The following MBTPS1 variants were observed in gnomAD, a reference collection of about 807,000 sequenced individuals.
MBTPS1 encodes the protein membrane-bound transcription factor site-1 protease.
MBTPS1 carries 94 observed loss-of-function variants against 127.8 expected under a neutral mutation model. That is an observed-to-expected ratio of 0.74 (90% confidence interval 0.62 to 0.87). The LOEUF is 0.87. MBTPS1 is among the 40% of genes least tolerant of loss of function. MBTPS1 has a pLI of 0.00. For synonymous variants in MBTPS1, 632 were observed against 509.4 expected (o/e 1.24, Z -3.24); for missense variants, 1,636 against 1,353.2 (o/e 1.21, Z -3.28).
At chr16:84,074,237 CTT>C (rs779174930) in intron 12 of MBTPS1, among the ~76,000 whole-genome samples, 5 of 144,404 alleles carry the variant, frequency 3.5e-5, no homozygotes, top group African/African-American at 5.0e-5. Flanking sequence ...GGGCTATTTC[CTT>C]TTTTTTTTTT....
intron 12 of MBTPS1, among the ~76,000 whole-genome samples, chr16:84,072,529 C>T (rs2085785487): frequency 6.6e-6 from 1 of 152,182 alleles, no homozygotes; most frequent in Non-Finnish European, 1.5e-5. Context: ...CGATGGCTCA[C>T]ACCTGTAATC....
intron 4 of MBTPS1, among the ~76,000 whole-genome samples, chr16:84,094,476 A>C (rs2086152560): frequency 6.6e-6 from 1 of 152,234 alleles, no homozygotes; most frequent in Non-Finnish European, 1.5e-5. Flanking sequence ...CCAATGTGAA[A>C]TACAACTGGC....
chr16:84,058,681 C>G (rs1720088242), intron 21 of MBTPS1, among the ~76,000 whole-genome samples: 1 of 152,210 alleles, frequency 6.6e-6, no homozygotes, highest in South Asian at 2.1e-4. Context: ...CAGAGGGAAA[C>G]AGCAGGTCCA....
Position 84,069,940 on chromosome 16 carries a change from C to G in MBTPS1, c.1881G>C (p.Gln627His). The G allele has an allele frequency of 6.2e-7, 1 of 1,614,066 alleles. No individual in the cohort carries two copies. The highest frequency in any genetic ancestry group is 2.2e-5 in the East Asian group (1 of 44,876). Reference protein sequence around the residue: ...PPRSKRVLWDQYHNLRYPPGY... With the variant: ...PPRSKRVLWDHYHNLRYPPGY... ...CAGGTGGATAGCGGAGGTTGTGGTA[C>G]TGATCCCAGAGAACTCTCTTGCTTC... is the stretch of plus-strand genomic sequence containing the variant. Residue 627 changes from glutamine to histidine, a missense_variant, in exon 14 of 23, where the codon CAG becomes CAC. Coordinates refer to ENST00000343411, the MANE Select transcript of MBTPS1 (RefSeq NM_003791.4).
intron 2 of MBTPS1, among the ~76,000 whole-genome samples, chr16:84,100,247 A>T (rs943737019): frequency 2.0e-5 from 3 of 152,218 alleles, no homozygotes; most frequent in Non-Finnish European, 4.4e-5. Context: ...CAAAAAATAA[A>T]AAAATTAGCT....
chr16:84,091,588 G>A, intron 7 of MBTPS1, 144 bp downstream of exon 7: 6 of 610,716 alleles, frequency 9.8e-6, no homozygotes, highest in Middle Eastern at 2.7e-4. Context: ...GCAAATCACT[G>A]AAGCTCACGT....
Position 84,060,994 on chromosome 16 carries a change from C to T in MBTPS1, c.2573-181G>A, listed in dbSNP as rs944119270. The T allele has an allele frequency of 2.4e-5, 12 of 494,940 alleles. No individual in the cohort carries two copies. The East Asian group carries it at 2.5e-4, about 10-fold the overall frequency. 30.7% of individuals were successfully genotyped at this position (494,940 alleles called of 1,614,324 possible). A position where few individuals can be genotyped will look rare whatever the true frequency, so the allele number is the denominator to read the frequency against. On this transcript the variant is annotated intron_variant, in intron 19 of 22. Transcript: ENST00000343411. ...GACTGAAGGCACATGACAGCATGCC[C>T]GGCTAATTTTTTATTTTTTGCAGAA...
At chr16:84,079,742 T>G (rs2085912366) in intron 11 of MBTPS1, among the ~76,000 whole-genome samples, 1 of 152,022 alleles carries the variant, frequency 6.6e-6, no homozygotes, top group African/African-American at 2.4e-5. Flanking sequence ...GAAACAAGGA[T>G]AGGGAAAGGC....
At chr16:84,098,367 T>C (rs2086207087) in intron 3 of MBTPS1, among the ~76,000 whole-genome samples, 1 of 152,176 alleles carries the variant, frequency 6.6e-6, no homozygotes, top group African/African-American at 2.4e-5. Context: ...TCCCAGCACT[T>C]TGGGAGGCTG....
intron 1 of MBTPS1, among the ~76,000 whole-genome samples, chr16:84,103,504 G>T (rs963868890): frequency 6.6e-6 from 1 of 151,976 alleles, no homozygotes; most frequent in African/African-American, 2.4e-5. Context: ...CAGCCACCTT[G>T]GCCTCCCAAA....
chr16:84,069,818 C>T, intron 14 of MBTPS1, 48 bp downstream of exon 14: 1 of 1,540,414 alleles, frequency 6.5e-7, no homozygotes, highest in Non-Finnish European at 8.9e-7. Context: ...GGTGCCTCCT[C>T]CCACCACGGA....
At chr16:84,115,634 G>A (rs914193732) in intron 1 of MBTPS1, among the ~76,000 whole-genome samples, 1 of 152,142 alleles carries the variant, frequency 6.6e-6, no homozygotes, top group African/African-American at 2.4e-5. Flanking sequence ...ACAAAAGGCC[G>A]CATATCATAT....
chr16:84,081,329 A>G (rs1243913569), intron 11 of MBTPS1, among the ~76,000 whole-genome samples: 1 of 152,234 alleles, frequency 6.6e-6, no homozygotes, highest in African/African-American at 2.4e-5. Context: ...CAGGTGAATT[A>G]CAGCACAGTG....
At chr16:84,084,849 C>T in intron 10 of MBTPS1, 134 bp downstream of exon 10, 1 of 811,858 alleles carries the variant, frequency 1.2e-6, no homozygotes, top group Non-Finnish European at 1.9e-6. Context: ...GAAGGAGAGA[C>T]AGAGCAAGGC....
intron 8 of MBTPS1, among the ~76,000 whole-genome samples, chr16:84,088,447 C>G (rs1597334382): frequency 6.6e-6 from 1 of 152,032 alleles, no homozygotes; most frequent in African/African-American, 2.4e-5. Flanking sequence ...TTTACACATT[C>G]CCAGGAACTC....
chr16:84,063,465 A>C lies in MBTPS1; in HGVS notation c.2432-20T>G. The C allele has an allele frequency of 6.2e-7, 1 of 1,609,998 alleles. No homozygotes were observed. Among genetic ancestry groups the C allele is most frequent in the Non-Finnish European group, 8.5e-7 (1 of 1,176,590 alleles). Reference sequence around the variant, plus strand: ...CCAATCCTGAAACAACACAACAAAAAACAACAGCCATGAGAGTTTCCACTG... The same window carrying C: ...CCAATCCTGAAACAACACAACAAAACACAACAGCCATGAGAGTTTCCACTG... On this transcript the variant is annotated intron_variant, in intron 18 of 22. Coordinates refer to ENST00000343411, the MANE Select transcript of MBTPS1 (RefSeq NM_003791.4).
chr16:84,074,838 T>C, intron 11 of MBTPS1, 97 bp from the exon 12 acceptor site: 1 of 1,154,116 alleles, frequency 8.7e-7, no homozygotes, highest in South Asian at 1.5e-5. Context: ...CAGACCTAGC[T>C]TCAGAAGGGC....
At chr16:84,055,675 G>T (rs2085511574) in intron 22 of MBTPS1, among the ~76,000 whole-genome samples, 1 of 132,218 alleles carries the variant, frequency 7.6e-6, no homozygotes, top group Non-Finnish European at 1.7e-5. Context: ...ATCCTGTAAG[G>T]GACGTTAATA....
chr16:84,113,879 G>A (rs1460581845), intron 1 of MBTPS1, among the ~76,000 whole-genome samples: 1 of 151,440 alleles, frequency 6.6e-6, no homozygotes, highest in South Asian at 2.1e-4. Flanking sequence ...TGCATACTTG[G>A]CTATATTACC....
Sources: allele counts gnomAD v4.1 joint callset (sites outside exome capture counted in the v4.1 genomes callset), GRCh38; gene constraint gnomAD v4.1.1; transcripts MANE v1.5; gene names NCBI Gene and HGNC (gene_info 2026-07-23, HGNC 2026-07-21).